TRPS1: variants seen among roughly 807,000 people sequenced by gnomAD.
TRPS1 encodes transcriptional repressor GATA binding 1, also known as zinc finger transcription factor Trps1.
A neutral mutation model predicts 101.2 loss-of-function variants in TRPS1; 6 were observed. The ratio of observed to expected loss-of-function variants is 0.06; its 90% CI spans 0.03 to 0.12. TRPS1 has a LOEUF of 0.12. TRPS1 is among the 10% of genes least tolerant of loss of function. The pLI, the probability that TRPS1 is intolerant of heterozygous loss-of-function variation, is 1.00. For missense variants in TRPS1, 1,363 were observed against 1,567.0 expected (o/e 0.87, Z 2.20); for synonymous variants, 578 against 589.8 (o/e 0.98, Z 0.29).
chr8:115,469,548 G>A (rs1240231436), intron 5 of TRPS1, among the ~76,000 whole-genome samples: 2 of 151,868 alleles, frequency 1.3e-5, no homozygotes, highest in South Asian at 2.1e-4. Context: ...ACCCAGGCTC[G>A]AGTGCAGTGG....
chr8:115,434,898 C>A (rs1461505063), intron 5 of TRPS1, among the ~76,000 whole-genome samples: 1 of 152,224 alleles, frequency 6.6e-6, no homozygotes, highest in Non-Finnish European at 1.5e-5. Context: ...TAGGGATTTA[C>A]TACCTTACTT....
At chr8:115,664,550 A>G (rs890933996) in intron 1 of TRPS1, among the ~76,000 whole-genome samples, 8 of 152,138 alleles carry the variant, frequency 5.3e-5, no homozygotes, top group Non-Finnish European at 2.9e-5. Context: ...CAAAACTTCA[A>G]CAAATGGTAA....
At chr8:115,535,475 A>T (rs560000725) in intron 5 of TRPS1, among the ~76,000 whole-genome samples, 2 of 148,806 alleles carry the variant, frequency 1.3e-5, no homozygotes, top group Admixed American at 6.7e-5. Context: ...TATACATATC[A>T]CACATATATA....
At chr8:115,590,149 C>A (rs561719835) in intron 4 of TRPS1, among the ~76,000 whole-genome samples, 1 of 152,022 alleles carries the variant, frequency 6.6e-6, no homozygotes, top group South Asian at 2.1e-4. Flanking sequence ...CAAAAAAAAC[C>A]CACACACATT....
chr8:115,551,737 G>A (rs1816709848), intron 5 of TRPS1, among the ~76,000 whole-genome samples: 1 of 151,962 alleles, frequency 6.6e-6, no homozygotes, highest in Admixed American at 6.6e-5. Context: ...GCATAATTGA[G>A]CAAAATATGA....
chr8:115,617,971 A>C (rs536517871), intron 3 of TRPS1, among the ~76,000 whole-genome samples: 1 of 152,310 alleles, frequency 6.6e-6, no homozygotes, highest in South Asian at 2.1e-4. Flanking sequence ...AGGACCAGGA[A>C]ATTTCTCTTC....
At chr8:115,454,374 G>A (rs914782469) in intron 5 of TRPS1, among the ~76,000 whole-genome samples, 3 of 152,122 alleles carry the variant, frequency 2.0e-5, no homozygotes, top group Non-Finnish European at 2.9e-5. Context: ...AGCTTTTCAA[G>A]TTTTTTGGCT....
chr8:115,452,922 T>G (rs1374173663), intron 5 of TRPS1, among the ~76,000 whole-genome samples: 1 of 152,170 alleles, frequency 6.6e-6, no homozygotes, highest in Admixed American at 6.5e-5. Flanking sequence ...AACAGATTTT[T>G]AACTAACCTA....
At chr8:115,458,143 G>A (rs1013956412) in intron 5 of TRPS1, among the ~76,000 whole-genome samples, 1 of 152,072 alleles carries the variant, frequency 6.6e-6, no homozygotes, top group Non-Finnish European at 1.5e-5. Context: ...AAATGGAAGC[G>A]GGCAGTCAAA....
At chr8:115,433,590 A>C (rs1813374279) in intron 5 of TRPS1, among the ~76,000 whole-genome samples, 1 of 152,148 alleles carries the variant, frequency 6.6e-6, no homozygotes, top group Non-Finnish European at 1.5e-5. Context: ...ATCAAGTTTA[A>C]TCTTGTAGAG....
intron 5 of TRPS1, among the ~76,000 whole-genome samples, chr8:115,458,682 C>A (rs1463439261): frequency 6.6e-6 from 1 of 152,120 alleles, no homozygotes; most frequent in East Asian, 1.9e-4. Flanking sequence ...GCTAGTATGG[C>A]GTCCAGCACC....
intron 4 of TRPS1, among the ~76,000 whole-genome samples, chr8:115,598,214 T>A (rs759494637): frequency 1.5e-4 from 23 of 152,200 alleles, no homozygotes; most frequent in Non-Finnish European, 2.9e-4. Context: ...TCATTAGTTA[T>A]CCTTAAATTT....
At chr8:115,665,015 T>C (rs1251505401) in intron 1 of TRPS1, among the ~76,000 whole-genome samples, 1 of 152,192 alleles carries the variant, frequency 6.6e-6, no homozygotes, top group African/African-American at 2.4e-5. Flanking sequence ...CACCTGCCCA[T>C]AACTTTCTTA....
chr8:115,629,994 T>C (rs886486202), intron 1 of TRPS1, among the ~76,000 whole-genome samples: 9 of 151,916 alleles, frequency 5.9e-5, no homozygotes, highest in African/African-American at 1.9e-4. Context: ...TTTATCATTA[T>C]TGCATTATTT....
intron 5 of TRPS1, among the ~76,000 whole-genome samples, chr8:115,497,824 T>C (rs1389227652): frequency 2.0e-5 from 3 of 152,164 alleles, no homozygotes; most frequent in Admixed American, 6.5e-5. Context: ...TGGGTTTTGA[T>C]TGTGGGCATA....
intron 5 of TRPS1, among the ~76,000 whole-genome samples, chr8:115,550,243 T>C (rs1263002517): frequency 6.6e-6 from 1 of 152,102 alleles, no homozygotes; most frequent in Non-Finnish European, 1.5e-5. Context: ...TGGCAACCAA[T>C]GATTTGTGGG....
intron 2 of TRPS1, among the ~76,000 whole-genome samples, chr8:115,622,478 A>C (rs1818417694): frequency 6.6e-6 from 1 of 152,174 alleles, no homozygotes; most frequent in South Asian, 2.1e-4. Context: ...ACAGAAAAGG[A>C]TATTTTAGGT....
chr8:115,419,753 C>A (rs1813006522), intron 5 of TRPS1, among the ~76,000 whole-genome samples: 1 of 152,170 alleles, frequency 6.6e-6, no homozygotes, highest in Non-Finnish European at 1.5e-5. Context: ...CACAATGTAT[C>A]ACTAAAAAGA....
chr8:115,425,088 A>C (rs1813155572), intron 5 of TRPS1, among the ~76,000 whole-genome samples: 1 of 152,198 alleles, frequency 6.6e-6, no homozygotes, highest in Non-Finnish European at 1.5e-5. Flanking sequence ...CCTTTAGATT[A>C]ATAGCCAGAC....
Sources: gnomAD v4.1 joint callset for allele counts (sites outside exome capture counted in the v4.1 genomes callset) on GRCh38, gnomAD v4.1.1 for gene constraint, MANE v1.5 for transcripts, NCBI Gene and HGNC (gene_info 2026-07-23, HGNC 2026-07-21) for gene names.